CYP2C18: variants seen among roughly 807,000 people sequenced by gnomAD.
CYP2C18 encodes cytochrome P450 2C18.
A neutral mutation model predicts 41.3 loss-of-function variants in CYP2C18; 38 were observed. That is an observed-to-expected ratio of 0.92 (90% confidence interval 0.71 to 1.21). CYP2C18 has a LOEUF of 1.21. Among genes scored for constraint, CYP2C18 ranks in the 50% most tolerant of loss-of-function variants. The pLI is 0.00. For missense variants in CYP2C18, 635 were observed against 591.4 expected (o/e 1.07, Z -0.77); for synonymous variants, 236 against 210.0 (o/e 1.12, Z -1.07).
At position 94,726,436 on chromosome 10, in the gene CYP2C18, C is replaced by T. The variant is rs147872236; in HGVS notation, c.1149+1903C>T. On this transcript the variant is annotated intron_variant, in intron 7 of 8. Coordinates refer to ENST00000285979, the MANE Select transcript of CYP2C18 (RefSeq NM_000772.3). ...ACTCCCACTTATAAGTGAGAACATGCGGTGTTTGGTTTTCTGATCTTGTGA... is the reference window on the plus strand; with the variant it reads ...ACTCCCACTTATAAGTGAGAACATGTGGTGTTTGGTTTTCTGATCTTGTGA... Among the ~76,000 whole-genome samples the T allele has an allele frequency of 3.5e-3, 537 of 152,044 alleles. 2 individuals carry two copies. Among genetic ancestry groups the T allele is most frequent in the African/African-American group, 0.012 (500 of 41,500 alleles).
intron 6 of CYP2C18, among the ~76,000 whole-genome samples, chr10:94,722,476 A>G (rs1847663541): frequency 6.6e-6 from 1 of 152,180 alleles, no homozygotes; most frequent in Admixed American, 6.5e-5. Flanking sequence ...TCAAGTCTTT[A>G]ACAAACTTCT....
At chr10:94,689,791 A>G (rs1846963240) in intron 3 of CYP2C18, among the ~76,000 whole-genome samples, 1 of 152,130 alleles carries the variant, frequency 6.6e-6, no homozygotes, top group Non-Finnish European at 1.5e-5. Flanking sequence ...GGTTGAATCC[A>G]TGATACACCA....
rs527679348 is a variant in CYP2C18 at position 94,697,449 on chromosome 10, C to T, written c.642+2372C>T. 2.6e-5 allele frequency among the ~76,000 whole-genome samples: 4 copies of T among 152,192 alleles called. No individual in the cohort carries two copies. The East Asian group carries it at 7.7e-4, about 29-fold the overall frequency. ...AAATGCTGAGAGATTTTGTCACCAC[C>T]ACGCCTGCCCTACAAGAGCTCCTGA... is the stretch of plus-strand genomic sequence containing the variant. On this transcript the variant is annotated intron_variant, in intron 4 of 8. Transcript: ENST00000285979.
At chr10:94,732,925 C>T (rs183249358) in intron 7 of CYP2C18, among the ~76,000 whole-genome samples, 35 of 152,152 alleles carry the variant, frequency 2.3e-4, no homozygotes, top group Middle Eastern at 3.4e-3. Flanking sequence ...TGTAACAGTC[C>T]TGCAAACAAC....
intron 5 of CYP2C18, among the ~76,000 whole-genome samples, chr10:94,712,333 T>C (rs573878714): frequency 8.8e-4 from 134 of 152,054 alleles, no homozygotes; most frequent in African/African-American, 2.6e-3. Context: ...CCTTTGACTA[T>C]CATCTCCCCC....
intron 3 of CYP2C18, among the ~76,000 whole-genome samples, chr10:94,693,631 A>T (rs570432149): frequency 2.0e-4 from 31 of 152,242 alleles, no homozygotes; most frequent in African/African-American, 7.5e-4. Flanking sequence ...ATAATCCAAA[A>T]TTATCCCCTG....
chr10:94,698,797 A>C (rs973554787), intron 4 of CYP2C18, among the ~76,000 whole-genome samples: 15 of 152,228 alleles, frequency 9.9e-5, no homozygotes, highest in African/African-American at 3.1e-4. Flanking sequence ...TAAAGGGGAT[A>C]TCACCACCAA....
At chr10:94,722,737 G>T (rs940063710) in intron 6 of CYP2C18, among the ~76,000 whole-genome samples, 1 of 152,128 alleles carries the variant, frequency 6.6e-6, no homozygotes, top group African/African-American at 2.4e-5. Flanking sequence ...ACTCTCTAGA[G>T]AAACTGAACC....
At chr10:94,715,551 A>G (rs1847524008) in intron 5 of CYP2C18, among the ~76,000 whole-genome samples, 1 of 152,194 alleles carries the variant, frequency 6.6e-6, no homozygotes, top group South Asian at 2.1e-4. Flanking sequence ...CATGGTAGAT[A>G]AGCTTTTTAA....
intron 5 of CYP2C18, among the ~76,000 whole-genome samples, chr10:94,711,622 G>A (rs1847436951): frequency 6.6e-6 from 1 of 151,954 alleles, no homozygotes; most frequent in South Asian, 2.1e-4. Flanking sequence ...GTTTGCCCAG[G>A]CTGGAGTGGA....
chr10:94,687,085 C>T (rs1252982882), intron 1 of CYP2C18, among the ~76,000 whole-genome samples: 1 of 152,112 alleles, frequency 6.6e-6, no homozygotes, highest in Non-Finnish European at 1.5e-5. Flanking sequence ...ATATTTATGG[C>T]CTCTGTACAA....
At chr10:94,722,139 G>A (rs1485010040) in intron 6 of CYP2C18, among the ~76,000 whole-genome samples, 1 of 152,084 alleles carries the variant, frequency 6.6e-6, no homozygotes, top group Non-Finnish European at 1.5e-5. Context: ...GAGAAAATCT[G>A]TATAGTCTGG....
chr10:94,702,789 G>A (rs1340131142), intron 4 of CYP2C18, among the ~76,000 whole-genome samples: 1 of 152,054 alleles, frequency 6.6e-6, no homozygotes, highest in African/African-American at 2.4e-5. Flanking sequence ...GAGGAGTTGT[G>A]ATCCTTTGGA....
chr10:94,731,338 C>G (rs1217397683), intron 7 of CYP2C18, among the ~76,000 whole-genome samples: 1 of 151,594 alleles, frequency 6.6e-6, no homozygotes, highest in East Asian at 1.9e-4. Context: ...AGAGATCACA[C>G]TATTGTACTC....
intron 5 of CYP2C18, among the ~76,000 whole-genome samples, chr10:94,716,119 C>G (rs1439449414): frequency 6.6e-6 from 1 of 151,986 alleles, no homozygotes; most frequent in African/African-American, 2.4e-5. Context: ...TTTTGTTGAT[C>G]TTTTCAAAAA....
At chr10:94,696,694 G>A (rs1564639510) in intron 4 of CYP2C18, among the ~76,000 whole-genome samples, 1 of 152,054 alleles carries the variant, frequency 6.6e-6, no homozygotes, top group Admixed American at 6.6e-5. Flanking sequence ...GCTAAAGCAG[G>A]AAGTTCAAAC....
At chr10:94,719,850 A>G (rs1847619544) in intron 5 of CYP2C18, among the ~76,000 whole-genome samples, 3 of 151,672 alleles carry the variant, frequency 2.0e-5, no homozygotes, top group African/African-American at 7.3e-5. Flanking sequence ...CTGGGATTAC[A>G]GGCATGTGCC....
chr10:94,711,043 A>G (rs1564644060), intron 5 of CYP2C18, among the ~76,000 whole-genome samples: 1 of 152,078 alleles, frequency 6.6e-6, no homozygotes, highest in Non-Finnish European at 1.5e-5. Flanking sequence ...TCTCCATTTT[A>G]TTATTAATGG....
At chr10:94,696,514 A>G (rs1010715839) in intron 4 of CYP2C18, among the ~76,000 whole-genome samples, 1 of 152,092 alleles carries the variant, frequency 6.6e-6, no homozygotes, top group Non-Finnish European at 1.5e-5. Context: ...GGTAGATAAA[A>G]CCACAAAGAT....
Sources: gnomAD v4.1 joint callset for allele counts (sites outside exome capture counted in the v4.1 genomes callset) on GRCh38, gnomAD v4.1.1 for gene constraint, MANE v1.5 for transcripts, NCBI Gene and HGNC (gene_info 2026-07-23, HGNC 2026-07-21) for gene names.